ADGRL3: variants seen among roughly 807,000 people sequenced by gnomAD.
The protein encoded by ADGRL3 is adhesion G protein-coupled receptor L3.
A neutral mutation model predicts 153.5 loss-of-function variants in ADGRL3; 62 were observed. That is an observed-to-expected ratio of 0.40 (90% CI 0.33 to 0.50). The LOEUF (loss-of-function observed/expected upper bound fraction) is 0.50. Among genes scored for constraint, ADGRL3 ranks in the 20% least tolerant of loss-of-function variants. The pLI, the probability that ADGRL3 is intolerant of heterozygous loss-of-function variation, is 0.47. For synonymous variants in ADGRL3, 710 were observed against 672.5 expected, an observed-to-expected ratio of 1.06 and a Z score of -0.86; for missense variants, 1,641 against 1,859.4, an observed-to-expected ratio of 0.88 and a Z score of 2.16.
chr4:61,974,788 G>T (rs150228547), intron 17 of ADGRL3, among the ~76,000 whole-genome samples: 4 of 152,050 alleles, frequency 2.6e-5, no homozygotes, highest in Non-Finnish European at 4.4e-5. Flanking sequence ...CGTTTGACAC[G>T]CTGACATTAC....
At chr4:61,643,398 C>T (rs950764626) in intron 5 of ADGRL3, among the ~76,000 whole-genome samples, 1 of 151,746 alleles carries the variant, frequency 6.6e-6, no homozygotes, top group South Asian at 2.1e-4. Context: ...CAGTTTTTGC[C>T]CATTCAGTAT....
rs150756085 is a variant in ADGRL3 at position 61,929,740 on chromosome 4, A to G, written c.2113-5100A>G. Among the ~76,000 whole-genome samples the G allele has an allele frequency of 1.6e-4, 25 of 152,330 alleles. No individual in the cohort carries two copies. The East Asian group carries it at 2.5e-3, about 15-fold the overall frequency. Reference sequence around the variant, plus strand: ...ATGAGACATCTTTAGATAATGACGTATGACACAAAGAAAACAAAACAGGTA... The same window carrying G: ...ATGAGACATCTTTAGATAATGACGTGTGACACAAAGAAAACAAAACAGGTA... On this transcript the variant is annotated intron_variant, in intron 13 of 26. Coordinates refer to ENST00000683033, the MANE Select transcript of ADGRL3 (RefSeq NM_001387552.1).
chr4:61,583,865 T>C (rs573739615), intron 4 of ADGRL3, among the ~76,000 whole-genome samples: 21 of 152,178 alleles, frequency 1.4e-4, no homozygotes, highest in African/African-American at 4.8e-4. Context: ...TAAGAAGGTA[T>C]GTATATGCCT....
chr4:61,607,374 G>A (rs1042701290), intron 5 of ADGRL3, among the ~76,000 whole-genome samples: 21 of 152,186 alleles, frequency 1.4e-4, no homozygotes, highest in Admixed American at 3.3e-4. Context: ...CAAGGTGGGC[G>A]GATTACGAGG....
chr4:61,338,002 C>T (rs2095716400), intron 1 of ADGRL3, among the ~76,000 whole-genome samples: 2 of 152,236 alleles, frequency 1.3e-5, no homozygotes, highest in South Asian at 4.1e-4. Flanking sequence ...GTGGCTCACA[C>T]CTGTAATCCC....
In ADGRL3 at chr4:61,983,517, C is replaced by G. The variant is rs1462159361; in HGVS notation, c.3150C>G (p.Tyr1050Ter). 6.2e-7 allele frequency: 1 copy of G among 1,613,800 alleles called. No homozygotes were observed. Among genetic ancestry groups the G allele is most frequent in the Non-Finnish European group, 8.5e-7 (1 of 1,179,856 alleles). Residue 1050 changes from tyrosine to a stop codon, truncating the protein, a stop_gained, in exon 19 of 27, where the codon TAC becomes TAG. Transcript: ENST00000683033. LOFTEE classifies it high-confidence loss of function. ...VFESEHSRRK[Y>*]FYLVGYGMPA... The stretch of plus-strand genomic sequence containing the variant: ...AGAGTGAACATTCACGTAGGAAATA[C>G]TTTTATCTGGTCGGCTATGGGATGC...
chr4:61,638,439 T>C (rs1335544176), intron 5 of ADGRL3, among the ~76,000 whole-genome samples: 1 of 152,188 alleles, frequency 6.6e-6, no homozygotes, highest in African/African-American at 2.4e-5. Flanking sequence ...TAAATGAATC[T>C]AGGCATTTGT....
Position 61,497,228 on chromosome 4 carries a change from A to T in ADGRL3, c.-66A>T. ...GGAATACAGAAGAGAAACTAGAAAT[A>T]TACGTATTTTGTTTCACATTTGAAC... On this transcript the variant is annotated 5_prime_UTR_variant, in exon 3 of 27. Transcript: ENST00000683033. The T allele has an allele frequency of 1.1e-6, 1 of 887,226 alleles. No individual in the cohort carries two copies. 55.0% of individuals were successfully genotyped at this position (887,226 alleles called of 1,614,324 possible).
At chr4:61,793,656 A>G (rs2097371593) in intron 8 of ADGRL3, among the ~76,000 whole-genome samples, 1 of 152,090 alleles carries the variant, frequency 6.6e-6, no homozygotes, top group South Asian at 2.1e-4. Flanking sequence ...CCCAGCCTCC[A>G]TTCTCAACAT....
chr4:61,947,205 T>C (rs2098928574), intron 16 of ADGRL3, 83 bp downstream of exon 16: 1 of 1,129,388 alleles, frequency 8.9e-7, no homozygotes, highest in Admixed American at 2.3e-5. Context: ...AATTTTCTTT[T>C]AATGTTTTTT....
At chr4:61,886,215 A>G (rs1056940941) in intron 9 of ADGRL3, among the ~76,000 whole-genome samples, 5 of 152,186 alleles carry the variant, frequency 3.3e-5, no homozygotes, top group Non-Finnish European at 7.3e-5. Context: ...CTTTTTAAAA[A>G]CTAGATGTAA....
At position 61,665,407 on chromosome 4, in the gene ADGRL3, T is replaced by C. The variant is rs886821705; in HGVS notation, c.474-11419T>C. 5.3e-5 allele frequency among the ~76,000 whole-genome samples: 8 copies of C among 152,192 alleles called. 2 individuals are homozygous for C. In the South Asian group the frequency reaches 1.5e-3, roughly 28 times the overall value. ...GCCTGGGTGACAAAGCGAAACTGTC[T>C]TAAAAACAAAAACGAAAACAAAAAC... On this transcript the variant is annotated intron_variant, in intron 5 of 26. Coordinates refer to ENST00000683033, the MANE Select transcript of ADGRL3 (RefSeq NM_001387552.1).
At chr4:61,606,165 T>G (rs1341663288) in intron 5 of ADGRL3, among the ~76,000 whole-genome samples, 1 of 152,092 alleles carries the variant, frequency 6.6e-6, no homozygotes, top group Non-Finnish European at 1.5e-5. Context: ...GGCTAAGGCT[T>G]TACCATGGGC....
At chr4:61,536,855 A>G (rs893512311) in intron 4 of ADGRL3, among the ~76,000 whole-genome samples, 4 of 152,024 alleles carry the variant, frequency 2.6e-5, no homozygotes, top group African/African-American at 9.7e-5. Flanking sequence ...AAATCTTTTA[A>G]GTGGAGCACT....
At chr4:61,565,620 C>T (rs376973911) in intron 4 of ADGRL3, among the ~76,000 whole-genome samples, 15 of 152,046 alleles carry the variant, frequency 9.9e-5, no homozygotes, top group African/African-American at 3.4e-4. Flanking sequence ...TTACTGCAAC[C>T]TCTGCCTTCC....
chr4:61,975,922 T>C (rs890937667), intron 17 of ADGRL3, among the ~76,000 whole-genome samples: 3 of 152,048 alleles, frequency 2.0e-5, no homozygotes, highest in Non-Finnish European at 4.4e-5. Flanking sequence ...TAGGATAAGA[T>C]CAGGAGCTGT....
rs560704553 is a variant in ADGRL3, at chr4:62,063,759, G to T, written c.3815-4407G>T. The T allele has an allele frequency of 2.6e-5, 12 of 469,546 alleles. 1 individual carries two copies. Among genetic ancestry groups the T allele is most frequent in the African/African-American group, 1.2e-4 (6 of 50,366 alleles). The allele number at this position is 469,546 out of a possible 1,614,324, so 29.1% of individuals were successfully genotyped here. ...GGAAGCAGACCTGCAGACTCCTTTC[G>T]CATTCCACCCCTCTTGGTGCTTTTA... is the stretch of plus-strand genomic sequence containing the variant. On this transcript the variant is annotated intron_variant, in intron 25 of 26. Transcript: ENST00000683033.
intron 9 of ADGRL3, among the ~76,000 whole-genome samples, chr4:61,821,402 G>A (rs28587627): frequency 0.39 from 58,964 of 151,090 alleles, 12,348 homozygotes; most frequent in East Asian, 0.62. Flanking sequence ...TGCTCTTGTT[G>A]CCCAGCCTGG....
At chr4:61,905,567 A>T (rs529617141) in intron 11 of ADGRL3, among the ~76,000 whole-genome samples, 1 of 152,226 alleles carries the variant, frequency 6.6e-6, no homozygotes, top group African/African-American at 2.4e-5. Flanking sequence ...CAAATTTATT[A>T]TACTCAGTCC....
Sources: allele counts gnomAD v4.1 joint callset (sites outside exome capture counted in the v4.1 genomes callset), GRCh38; gene constraint gnomAD v4.1.1; transcripts MANE v1.5; gene names NCBI Gene and HGNC (gene_info 2026-07-23, HGNC 2026-07-21).